The following FBXO4 variants were observed in gnomAD, a reference collection of about 807,000 sequenced individuals.
FBXO4 encodes the protein F-box only protein 4.
FBXO4 carries 36 observed loss-of-function variants against 43.7 expected under a neutral mutation model. The ratio of observed to expected loss-of-function variants is 0.82; its 90% CI spans 0.63 to 1.09. The LOEUF (loss-of-function observed/expected upper bound fraction) is 1.09. FBXO4 is among the 50% of genes least tolerant of loss of function. The pLI is 0.00. For missense variants in FBXO4, 435 were observed against 474.1 expected, an observed-to-expected ratio of 0.92 and a Z score of 0.77; for synonymous variants, 180 against 165.6, an observed-to-expected ratio of 1.09 and a Z score of -0.67.
At chr5:41,956,632 G>C in the FBXO4 span, among the ~76,000 whole-genome samples, 18 of 146,142 alleles carry the variant, frequency 1.2e-4, no homozygotes, top group Non-Finnish European at 1.7e-4. Flanking sequence ...ATATTTCATT[G>C]TTCTGTTTCT....
At chr5:42,032,720 A>AC in the FBXO4 span, among the ~76,000 whole-genome samples, 222 of 151,700 alleles carry the variant, frequency 1.5e-3, no homozygotes, top group Non-Finnish European at 2.3e-3. Flanking sequence ...TTGGTGCTCT[A>AC]CCCCCCCGTG....
At chr5:42,021,632 G>A in the FBXO4 span, among the ~76,000 whole-genome samples, 3 of 152,220 alleles carry the variant, frequency 2.0e-5, no homozygotes, top group African/African-American at 4.8e-5. Context: ...CAATCTATAG[G>A]TTAAACATAT....
At chr5:42,030,305 T>C in the FBXO4 span, among the ~76,000 whole-genome samples, 1 of 152,000 alleles carries the variant, frequency 6.6e-6, no homozygotes, top group African/African-American at 2.4e-5. Context: ...TAATGCTGCA[T>C]GTCTACAACC....
At chr5:42,023,564 C>T in the FBXO4 span, among the ~76,000 whole-genome samples, 1 of 151,882 alleles carries the variant, frequency 6.6e-6, no homozygotes, top group Non-Finnish European at 1.5e-5. Context: ...TTATTTTTTT[C>T]CCATCCAGTT....
At chr5:41,930,781 A>G (rs1751664886) in intron 3 of FBXO4, among the ~76,000 whole-genome samples, 1 of 151,140 alleles carries the variant, frequency 6.6e-6, no homozygotes, top group African/African-American at 2.4e-5. Context: ...CATTCTCCCG[A>G]GTAGCTGGGA....
chr5:41,968,789 A>AT, the FBXO4 span, among the ~76,000 whole-genome samples: 2 of 152,016 alleles, frequency 1.3e-5, no homozygotes, highest in East Asian at 3.9e-4. Context: ...CTCTATGTAA[A>AT]TTTTTTTAAT....
intron 3 of FBXO4, 59 bp downstream of exon 3, chr5:41,929,976 AAAAG>A (rs1315987070): frequency 1.3e-4 from 166 of 1,293,614 alleles, no homozygotes; most frequent in Admixed American, 1.1e-3. Context: ...ATTCTTGTTA[AAAAG>A]AAAGAAATTC....
At chr5:41,976,993 G>A in the FBXO4 span, among the ~76,000 whole-genome samples, 1 of 152,160 alleles carries the variant, frequency 6.6e-6, no homozygotes, top group African/African-American at 2.4e-5. Context: ...TAAATCTTGT[G>A]GCTTGTGACC....
chr5:42,020,565 T>G, the FBXO4 span, among the ~76,000 whole-genome samples: 2 of 152,336 alleles, frequency 1.3e-5, no homozygotes, highest in Non-Finnish European at 2.9e-5. Context: ...GTTTGATTTT[T>G]CAGTTCACAG....
chr5:41,944,684 T>C (rs1164003253), downstream of FBXO4, among the ~76,000 whole-genome samples: 1 of 152,216 alleles, frequency 6.6e-6, no homozygotes, highest in Admixed American at 6.5e-5. Context: ...TTTAGTGCGT[T>C]CCCACTATAT....
chr5:41,950,620 G>A, the FBXO4 span, among the ~76,000 whole-genome samples: 5 of 152,198 alleles, frequency 3.3e-5, no homozygotes, highest in African/African-American at 7.2e-5. Flanking sequence ...TGGTGGGAGT[G>A]TAAATTAGTT....
At chr5:41,940,315 G>T (rs1464159184) in intron 6 of FBXO4, among the ~76,000 whole-genome samples, 5 of 151,982 alleles carry the variant, frequency 3.3e-5, no homozygotes, top group Non-Finnish European at 5.9e-5. Context: ...AGGCTGTAGT[G>T]CAGTGGTGCA....
chr5:41,943,607 A>T (rs72747001), downstream of FBXO4, among the ~76,000 whole-genome samples: 8,650 of 152,218 alleles, frequency 0.057, 276 homozygotes, highest in African/African-American at 0.078. Context: ...ACATAAAACA[A>T]CTATTTTATA....
chr5:41,937,930 C>A (rs1381996773), intron 5 of FBXO4, among the ~76,000 whole-genome samples: 1 of 152,214 alleles, frequency 6.6e-6, no homozygotes. Context: ...AACACTCTTG[C>A]ATTGGGGTTT....
chr5:41,950,400 CAAAGGAT>C, the FBXO4 span, among the ~76,000 whole-genome samples: 15 of 152,032 alleles, frequency 9.9e-5, no homozygotes, highest in African/African-American at 3.6e-4. Flanking sequence ...AAAAAGTGGG[CAAAGGAT>C]AAGATCAGAC....
At chr5:41,947,531 A>G in the FBXO4 span, among the ~76,000 whole-genome samples, 1 of 152,248 alleles carries the variant, frequency 6.6e-6, no homozygotes, top group Non-Finnish European at 1.5e-5. Flanking sequence ...GAAGTTAATC[A>G]GGCTTAAGCT....
chr5:41,952,764 G>A, the FBXO4 span, among the ~76,000 whole-genome samples: 1 of 151,938 alleles, frequency 6.6e-6, no homozygotes, highest in Non-Finnish European at 1.5e-5. Flanking sequence ...ATTTTCTGTT[G>A]GCCTCTTTTT....
At chr5:41,967,980 C>A in the FBXO4 span, 1 of 463,166 alleles carries the variant, frequency 2.2e-6, no homozygotes, top group South Asian at 1.7e-5. Flanking sequence ...GAGCCACGCT[C>A]AGGCATGGCC....
chr5:42,008,313 GT>G, the FBXO4 span, among the ~76,000 whole-genome samples: 3 of 152,138 alleles, frequency 2.0e-5, no homozygotes, highest in Non-Finnish European at 4.4e-5. Context: ...CTTGTTTTGA[GT>G]TTTAGGGAGC....
Sources: gnomAD v4.1 joint callset for allele counts (sites outside exome capture counted in the v4.1 genomes callset) on GRCh38, gnomAD v4.1.1 for gene constraint, MANE v1.5 for transcripts, NCBI Gene and HGNC (gene_info 2026-07-23, HGNC 2026-07-21) for gene names.